Variants in PPP1R9A observed in about 807,000 individuals in gnomAD.
PPP1R9A encodes the protein neurabin-1.
PPP1R9A carries 59 observed loss-of-function variants against 141.9 expected under a neutral mutation model. The observed-to-expected ratio is 0.42, with a 90% CI of 0.34 to 0.52. The LOEUF is 0.52. PPP1R9A is among the 20% of genes least tolerant of loss of function. The pLI is 0.10. For synonymous variants in PPP1R9A, 500 were observed against 569.7 expected, an observed-to-expected ratio of 0.88 and a Z score of 1.74; for missense variants, 1,444 against 1,611.9, an observed-to-expected ratio of 0.90 and a Z score of 1.78.
intron 12 of PPP1R9A, among the ~76,000 whole-genome samples, chr7:95,259,447 A>C (rs968709311): frequency 2.0e-5 from 3 of 152,182 alleles, no homozygotes; most frequent in Non-Finnish European, 2.9e-5. Context: ...TTTAGTAAGA[A>C]AATAAAAAAG....
chr7:95,144,693 C>A (rs547751391), intron 4 of PPP1R9A, among the ~76,000 whole-genome samples: 1 of 152,224 alleles, frequency 6.6e-6, no homozygotes, highest in Admixed American at 6.5e-5. Flanking sequence ...GACACAGATA[C>A]TCTTGCCACT....
chr7:94,935,481 C>T lies in PPP1R9A; in HGVS notation c.1395+23973C>T, dbSNP rs566115870. 1.8e-4 allele frequency among the ~76,000 whole-genome samples: 27 copies of T among 152,326 alleles called. 1 individual carries two copies. Among genetic ancestry groups the T allele is most frequent in the Admixed American group, 6.5e-4 (10 of 15,302 alleles). On this transcript the variant is annotated intron_variant, in intron 2 of 19. Transcript: ENST00000433360. ...AAAATCATAAAGCTATTAACGTATG[C>T]AGGGCCCCTGAAAGACCACATTGTT... is the stretch of plus-strand genomic sequence containing the variant.
At chr7:95,166,747 G>C in intron 5 of PPP1R9A, among the ~76,000 whole-genome samples, 1 of 152,152 alleles carries the variant, frequency 6.6e-6, no homozygotes, top group East Asian at 1.9e-4. Context: ...AATGAACACA[G>C]AGGCAAAATT....
intron 5 of PPP1R9A, among the ~76,000 whole-genome samples, chr7:95,190,618 T>A (rs776540743): frequency 2.6e-4 from 39 of 147,892 alleles, no homozygotes; most frequent in Non-Finnish European, 4.9e-4. Context: ...GATTGTTCTG[T>A]CATGAGTTGC....
intron 4 of PPP1R9A, among the ~76,000 whole-genome samples, chr7:95,144,711 A>C (rs887879478): frequency 1.3e-5 from 2 of 152,228 alleles, no homozygotes; most frequent in African/African-American, 4.8e-5. Context: ...ACTTATCAAC[A>C]TAGTACTGGA....
chr7:95,295,441 A>T lies in PPP1R9A; in HGVS notation c.*5138A>T, dbSNP rs1585681900. 1 of 152,532 alleles carries T rather than the reference A, an allele frequency of 6.6e-6. No homozygotes were observed. The highest frequency in any genetic ancestry group is 6.5e-5 in the Admixed American group (1 of 15,286). 9.4% of individuals were successfully genotyped at this position (152,532 alleles called of 1,614,324 possible). ...CTGAGTTGGAGCTCAGAAGAAATGT[A>T]TGCAGCTAAAAATTGCACTGTGTGT... On this transcript the variant is annotated 3_prime_UTR_variant, in exon 20 of 20. Transcript: ENST00000433360.
Position 94,962,838 on chromosome 7 carries a change from A to G in PPP1R9A, c.1395+51330A>G, listed in dbSNP as rs183727833. ...ATTCCTGCTGGAGTCAAGCTCGCAT[A>G]TTAACACAGCTCCCTTTGAATTTCT... is the stretch of plus-strand genomic sequence containing the variant. On this transcript the variant is annotated intron_variant, in intron 2 of 19. Coordinates refer to ENST00000433360, the MANE Select transcript of PPP1R9A (RefSeq NM_001166160.2). 2.2e-4 allele frequency among the ~76,000 whole-genome samples: 34 copies of G among 152,260 alleles called. No homozygotes were observed. In the East Asian group the frequency reaches 6.0e-3, roughly 27 times the overall value.
chr7:94,940,081 C>G (rs1410475439), intron 2 of PPP1R9A, among the ~76,000 whole-genome samples: 1 of 152,012 alleles, frequency 6.6e-6, no homozygotes, highest in African/African-American at 2.4e-5. Context: ...AGCAGTATTT[C>G]TATGGAAAAG....
chr7:95,031,678 C>T (rs1056174334), intron 2 of PPP1R9A, among the ~76,000 whole-genome samples: 2 of 151,802 alleles, frequency 1.3e-5, no homozygotes, highest in African/African-American at 2.4e-5. Context: ...ATCACTTGAA[C>T]CTGGGAGGCG....
intron 4 of PPP1R9A, among the ~76,000 whole-genome samples, chr7:95,129,778 C>T (rs1824248222): frequency 6.6e-6 from 1 of 152,120 alleles, no homozygotes; most frequent in South Asian, 2.1e-4. Context: ...AAAGGTGATT[C>T]TTGTTATGTT....
chr7:95,228,656 T>C lies in PPP1R9A; in HGVS notation c.2112+2540T>C, dbSNP rs75870298. Among the ~76,000 whole-genome samples the C allele has an allele frequency of 3.2e-3, 490 of 152,304 alleles. 24 individuals carry two copies. In the East Asian group the frequency reaches 0.084, roughly 26 times the overall value. ...AAAAATGCCTTTATTTTTCAACTTA[T>C]TCAAGAAAATATTTGAATCACTTTA... On this transcript the variant is annotated intron_variant, in intron 8 of 19. Transcript: ENST00000433360.
In PPP1R9A at chr7:95,102,183, T is replaced by G. The variant is rs565866832; in HGVS notation, c.1396-9076T>G. 2.7e-4 allele frequency among the ~76,000 whole-genome samples: 41 copies of G among 152,252 alleles called. 1 individual carries two copies. Among genetic ancestry groups the G allele is most frequent in the African/African-American group, 9.1e-4 (38 of 41,554 alleles). On this transcript the variant is annotated intron_variant, in intron 2 of 19. Transcript: ENST00000433360. Reference sequence around the variant, plus strand: ...GTAAAATTAACTAAAAGCTTAACTATCTAAAAAACATAATAATATCTTCTA... The same window carrying G: ...GTAAAATTAACTAAAAGCTTAACTAGCTAAAAAACATAATAATATCTTCTA...
chr7:95,084,871 C>T (rs758584202), intron 2 of PPP1R9A, among the ~76,000 whole-genome samples: 7 of 152,070 alleles, frequency 4.6e-5, no homozygotes, highest in Non-Finnish European at 1.0e-4. Flanking sequence ...AACCATGCTG[C>T]AGTGAGTATC....
At chr7:94,983,182 G>C (rs1800345114) in intron 2 of PPP1R9A, among the ~76,000 whole-genome samples, 1 of 151,986 alleles carries the variant, frequency 6.6e-6, no homozygotes, top group Non-Finnish European at 1.5e-5. Context: ...CTGTTCTATT[G>C]GTCTATATCT....
intron 5 of PPP1R9A, among the ~76,000 whole-genome samples, chr7:95,188,662 A>G (rs1186083096): frequency 2.7e-5 from 4 of 149,722 alleles, no homozygotes; most frequent in Non-Finnish European, 5.9e-5. Flanking sequence ...GCAGTGGTGC[A>G]ATCTCGGCTC....
chr7:95,152,079 G>A (rs59803518), intron 4 of PPP1R9A, among the ~76,000 whole-genome samples: 1 of 148,142 alleles, frequency 6.8e-6, no homozygotes, highest in African/African-American at 2.5e-5. Flanking sequence ...ACCTTCCTGA[G>A]TAGCTGGGAC....
At chr7:95,159,458 A>G (rs915845267) in intron 4 of PPP1R9A, among the ~76,000 whole-genome samples, 2 of 152,168 alleles carry the variant, frequency 1.3e-5, no homozygotes, top group Non-Finnish European at 2.9e-5. Context: ...GTACATGTGC[A>G]GAACGTACAG....
At chr7:95,229,891 A>G (rs1201297752) in intron 8 of PPP1R9A, among the ~76,000 whole-genome samples, 3 of 151,898 alleles carry the variant, frequency 2.0e-5, no homozygotes, top group African/African-American at 4.8e-5. Flanking sequence ...AAATACAACC[A>G]AGGACCCTGC....
At chr7:95,241,757 A>G (rs1332227382) in intron 8 of PPP1R9A, among the ~76,000 whole-genome samples, 1 of 152,176 alleles carries the variant, frequency 6.6e-6, no homozygotes, top group Non-Finnish European at 1.5e-5. Context: ...AAAAGAATCT[A>G]GAAAAGTTAT....
Sources: gnomAD v4.1 joint callset for allele counts (sites outside exome capture counted in the v4.1 genomes callset) on GRCh38, gnomAD v4.1.1 for gene constraint, MANE v1.5 for transcripts, NCBI Gene and HGNC (gene_info 2026-07-23, HGNC 2026-07-21) for gene names.